Variants in CNTN5 observed in about 807,000 individuals in gnomAD.
CNTN5 encodes the protein contactin 5.
In CNTN5, 77 loss-of-function variants were observed where a neutral mutation model predicts 129.1. The observed-to-expected ratio is 0.60, with a 90% CI of 0.50 to 0.72. The LOEUF (loss-of-function observed/expected upper bound fraction) is 0.72. CNTN5 is among the 30% of genes least tolerant of loss of function. The pLI, the probability that CNTN5 is intolerant of heterozygous loss-of-function variation, is 0.00. For missense variants in CNTN5, 1,478 were observed against 1,328.8 expected, an observed-to-expected ratio of 1.11 and a Z score of -1.75; for synonymous variants, 509 against 465.6, an observed-to-expected ratio of 1.09 and a Z score of -1.20.
intron 3 of CNTN5, among the ~76,000 whole-genome samples, chr11:99,740,565 A>G (rs1394716967): frequency 6.6e-6 from 1 of 152,156 alleles, no homozygotes; most frequent in Non-Finnish European, 1.5e-5. Flanking sequence ...GGGAGATTTG[A>G]ATGAATTAGA....
At chr11:99,616,732 A>C (rs1950771168) in intron 3 of CNTN5, among the ~76,000 whole-genome samples, 1 of 152,228 alleles carries the variant, frequency 6.6e-6, no homozygotes, top group South Asian at 2.1e-4. Flanking sequence ...GATACAGATG[A>C]TGACTACATG....
intron 16 of CNTN5, among the ~76,000 whole-genome samples, chr11:100,249,518 T>A (rs1287793768): frequency 6.6e-6 from 1 of 152,192 alleles, no homozygotes; most frequent in Non-Finnish European, 1.5e-5. Context: ...GCATTGTCCC[T>A]GAGGAGGAAA....
intron 2 of CNTN5, among the ~76,000 whole-genome samples, chr11:99,335,941 C>T (rs905373745): frequency 1.3e-5 from 2 of 152,000 alleles, no homozygotes; most frequent in Non-Finnish European, 2.9e-5. Context: ...GCATCTGCTA[C>T]TGAAGTGTAA....
intron 13 of CNTN5, among the ~76,000 whole-genome samples, chr11:100,136,151 C>A (rs986539129): frequency 1.3e-5 from 2 of 151,940 alleles, no homozygotes; most frequent in African/African-American, 4.8e-5. Flanking sequence ...CAGATTAAAC[C>A]CAGGATTGTC....
chr11:100,182,912 A>C (rs556520260), intron 13 of CNTN5, among the ~76,000 whole-genome samples: 1 of 152,060 alleles, frequency 6.6e-6, no homozygotes, highest in Non-Finnish European at 1.5e-5. Flanking sequence ...TGTAAAAAAA[A>C]AACTCTAAAT....
chr11:99,820,248 G>C (rs376322336), intron 4 of CNTN5, among the ~76,000 whole-genome samples: 1 of 152,130 alleles, frequency 6.6e-6, no homozygotes, highest in Non-Finnish European at 1.5e-5. Flanking sequence ...AAATACTCTC[G>C]TAGAATGAAA....
At position 100,287,825 on chromosome 11, in the gene CNTN5, G is replaced by A. The variant is rs1226765053; in HGVS notation, c.2315-9800G>A. Among the ~76,000 whole-genome samples, 5 of 152,232 alleles carry A rather than the reference G, an allele frequency of 3.3e-5. No individual in the cohort carries two copies. In the East Asian group the frequency reaches 9.7e-4, roughly 29 times the overall value. On this transcript the variant is annotated intron_variant, in intron 18 of 24. Transcript: ENST00000524871. ...GACACAGACTGGCAAATTAGATAAA[G>A]AGTCAAGACCCATCAGTGTGCTATA... is the stretch of plus-strand genomic sequence containing the variant.
intron 3 of CNTN5, among the ~76,000 whole-genome samples, chr11:99,695,260 G>T (rs1954219664): frequency 1.3e-5 from 2 of 151,934 alleles, no homozygotes; most frequent in African/African-American, 4.8e-5. Context: ...GTTTTGGGTG[G>T]TTAGAAGAAA....
chr11:100,222,347 A>G (rs903967393), intron 15 of CNTN5, among the ~76,000 whole-genome samples: 7 of 152,190 alleles, frequency 4.6e-5, no homozygotes, highest in African/African-American at 1.7e-4. Flanking sequence ...GATAATCTAT[A>G]TCTCGCTCTC....
At chr11:100,062,354 T>C (rs956997251) in intron 10 of CNTN5, among the ~76,000 whole-genome samples, 2 of 152,184 alleles carry the variant, frequency 1.3e-5, no homozygotes, top group Admixed American at 1.3e-4. Context: ...TTTTGAAATA[T>C]TAATAACTGA....
chr11:99,434,753 T>A (rs924423775), intron 2 of CNTN5, among the ~76,000 whole-genome samples: 1 of 152,202 alleles, frequency 6.6e-6, no homozygotes, highest in Non-Finnish European at 1.5e-5. Context: ...GAAGCATATT[T>A]CTGTATAACA....
At chr11:99,850,510 A>G (rs1947839383) in intron 6 of CNTN5, among the ~76,000 whole-genome samples, 1 of 152,172 alleles carries the variant, frequency 6.6e-6, no homozygotes, top group Non-Finnish European at 1.5e-5. Context: ...TTTCATTTCT[A>G]TTCATTTGTC....
At chr11:99,197,379 T>C (rs1389548088) in intron 1 of CNTN5, among the ~76,000 whole-genome samples, 2 of 152,042 alleles carry the variant, frequency 1.3e-5, no homozygotes, top group Non-Finnish European at 2.9e-5. Context: ...ACTCTTAGGA[T>C]CTGTTTTCTA....
chr11:99,271,245 G>A (rs1863157673), intron 1 of CNTN5, among the ~76,000 whole-genome samples: 8 of 151,798 alleles, frequency 5.3e-5, no homozygotes, highest in Admixed American at 5.3e-4. Flanking sequence ...TAACATTAAT[G>A]GAAAATGCAT....
intron 13 of CNTN5, among the ~76,000 whole-genome samples, chr11:100,143,991 G>A (rs182228677): frequency 1.3e-5 from 2 of 152,148 alleles, no homozygotes; most frequent in Non-Finnish European, 2.9e-5. Flanking sequence ...AAGGAAAATG[G>A]CATTTTCTTA....
At chr11:99,339,721 G>A (rs1479329320) in intron 2 of CNTN5, among the ~76,000 whole-genome samples, 3 of 151,676 alleles carry the variant, frequency 2.0e-5, no homozygotes, top group Non-Finnish European at 4.4e-5. Flanking sequence ...GGCGGAGCTT[G>A]CAGTGAGCTG....
intron 13 of CNTN5, among the ~76,000 whole-genome samples, chr11:100,179,075 C>A (rs1183668435): frequency 6.6e-6 from 1 of 152,086 alleles, no homozygotes; most frequent in Non-Finnish European, 1.5e-5. Context: ...TGTGAACATT[C>A]CAATTGTACT....
intron 3 of CNTN5, among the ~76,000 whole-genome samples, chr11:99,568,767 T>C (rs1156299204): frequency 1.3e-5 from 2 of 152,220 alleles, no homozygotes; most frequent in African/African-American, 4.8e-5. Flanking sequence ...TTAAATGCCA[T>C]ATATTTTCTG....
intron 13 of CNTN5, among the ~76,000 whole-genome samples, chr11:100,079,261 CATCCAT>C (rs1459237013): frequency 6.6e-6 from 1 of 152,118 alleles, no homozygotes; most frequent in African/African-American, 2.4e-5. Flanking sequence ...AGAATACTGG[CATCCAT>C]TTCTGTTATC....
Sources: allele counts gnomAD v4.1 joint callset (sites outside exome capture counted in the v4.1 genomes callset), GRCh38; gene constraint gnomAD v4.1.1; transcripts MANE v1.5; gene names NCBI Gene and HGNC (gene_info 2026-07-23, HGNC 2026-07-21).